Variants in GANC observed in about 807,000 individuals in gnomAD.
GANC encodes the protein neutral alpha-glucosidase C.
GANC carries 117 observed loss-of-function variants against 124.2 expected under a neutral mutation model. That is an observed-to-expected ratio of 0.94 (90% CI 0.81 to 1.10). The LOEUF (loss-of-function observed/expected upper bound fraction) is 1.10. Among genes scored for constraint, GANC ranks in the 50% least tolerant of loss-of-function variants. The pLI, the probability that GANC is intolerant of heterozygous loss-of-function variation, is 0.00. For synonymous variants in GANC, 377 were observed against 376.8 expected (o/e 1.00, Z -0.01); for missense variants, 1,140 against 1,095.0 (o/e 1.04, Z -0.58).
chr15:42,351,072 A>T (rs2052430269), intron 22 of GANC, among the ~76,000 whole-genome samples: 2 of 150,796 alleles, frequency 1.3e-5, no homozygotes, highest in African/African-American at 4.9e-5. Flanking sequence ...GGATTTTGCC[A>T]TGTTGCCCAG....
rs148030209 is a variant in GANC, at chr15:42,318,329, G to A, written c.1058-3456G>A. 6.7e-3 allele frequency among the ~76,000 whole-genome samples: 1,025 copies of A among 152,168 alleles called. 14 individuals carry two copies. The highest frequency in any genetic ancestry group is 0.024 in the African/African-American group (992 of 41,498). On this transcript the variant is annotated intron_variant, in intron 10 of 23. Transcript: ENST00000318010. Reference sequence around the variant, plus strand: ...TTGGAGGTACTCTTTTTGCTTCCTTGCAGGTATGAAACCATCTTTTTTCCT... The same window carrying A: ...TTGGAGGTACTCTTTTTGCTTCCTTACAGGTATGAAACCATCTTTTTTCCT...
chr15:42,288,016 C>T (rs773549151), intron 4 of GANC, among the ~76,000 whole-genome samples, 198 bp downstream of exon 4: 11 of 152,098 alleles, frequency 7.2e-5, no homozygotes, highest in African/African-American at 1.2e-4. Context: ...TATCCATTTT[C>T]CTTATTATCC....
At position 42,352,228 on chromosome 15, in the gene GANC, T is replaced by C; in HGVS notation, c.*89T>C. On this transcript the variant is annotated 3_prime_UTR_variant, in exon 24 of 24. Coordinates refer to ENST00000318010, the MANE Select transcript of GANC (RefSeq NM_198141.3). ...CTTTTTTGAGATTTTTGCTGCAATC[T>C]GTTTGCCTTCCCTGAATCAAAATAA... 6.4e-7 allele frequency: 1 copy of C among 1,565,762 alleles called. No individual in the cohort carries two copies. The highest frequency in any genetic ancestry group is 8.7e-7 in the Non-Finnish European group (1 of 1,152,862).
At chr15:42,298,452 C>G (rs2051912245) in intron 6 of GANC, among the ~76,000 whole-genome samples, 1 of 152,170 alleles carries the variant, frequency 6.6e-6, no homozygotes, top group Non-Finnish European at 1.5e-5. Context: ...TATAAGTCCC[C>G]CATTTATCAT....
chr15:42,313,015 T>C (rs981056847), intron 10 of GANC, among the ~76,000 whole-genome samples: 4 of 151,638 alleles, frequency 2.6e-5, no homozygotes, highest in Admixed American at 2.6e-4. Flanking sequence ...ATTGAGAATC[T>C]AGAAGTAAAC....
chr15:42,273,391 G>A lies in GANC; in HGVS notation c.-1091G>A, dbSNP rs1412621786. ...AGGCAACACCTGAAGCCACGCAGCC[G>A]CCGCCATCTTCACAGCCGTGGAGTG... On this transcript the variant is annotated 5_prime_UTR_variant, in exon 1 of 24. Transcript: ENST00000318010. The A allele has an allele frequency of 1.2e-6, 2 of 1,613,940 alleles. No individual in the cohort carries two copies. Among genetic ancestry groups the A allele is most frequent in the Middle Eastern group, 1.6e-4 (1 of 6,062 alleles).
intron 4 of GANC, among the ~76,000 whole-genome samples, chr15:42,288,292 C>T (rs987199906): frequency 2.6e-5 from 4 of 152,102 alleles, no homozygotes; most frequent in East Asian, 3.9e-4. Context: ...AGAAGTCTAA[C>T]ATGTAATTTT....
chr15:42,348,641 G>A (rs2052389912), intron 21 of GANC, among the ~76,000 whole-genome samples: 1 of 152,154 alleles, frequency 6.6e-6, no homozygotes, highest in Admixed American at 6.5e-5. Context: ...ACCCCCTTGG[G>A]CAAAGCCTGG....
chr15:42,280,845 A>G (rs1182555628), intron 3 of GANC: 3 of 667,720 alleles, frequency 4.5e-6, no homozygotes, highest in African/African-American at 1.8e-5. Context: ...ACACCCACAT[A>G]TGCCATTTCA....
At chr15:42,334,967 A>C (rs2052273321) in intron 15 of GANC, among the ~76,000 whole-genome samples, 3 of 152,198 alleles carry the variant, frequency 2.0e-5, no homozygotes, top group Admixed American at 2.0e-4. Flanking sequence ...AAATTGAATG[A>C]GTAGTAAAAA....
At chr15:42,312,737 G>C (rs1018120861) in intron 10 of GANC, among the ~76,000 whole-genome samples, 2 of 152,120 alleles carry the variant, frequency 1.3e-5, no homozygotes, top group Admixed American at 1.3e-4. Context: ...TCAGGAGTTT[G>C]AGACCAGCCT....
intron 13 of GANC, among the ~76,000 whole-genome samples, chr15:42,328,911 G>A (rs1162463101): frequency 6.6e-6 from 1 of 152,194 alleles, no homozygotes; most frequent in African/African-American, 2.4e-5. Context: ...TTCAGCTATA[G>A]TTGCCCTTAG....
intron 19 of GANC, chr15:42,343,487 G>T: frequency 4.3e-6 from 1 of 229,968 alleles, no homozygotes; most frequent in South Asian, 8.0e-5. Context: ...AAACTCTGGG[G>T]GAAAGCAGAT....
chr15:42,310,820 T>G lies in GANC; in HGVS notation c.1031T>G (p.Val344Gly), dbSNP rs1303895183. The G allele has an allele frequency of 6.2e-7, 1 of 1,614,046 alleles. No individual in the cohort carries two copies. Among genetic ancestry groups the G allele is most frequent in the South Asian group, 1.1e-5 (1 of 91,086 alleles). The change falls in exon 10 of 24, where the codon GTC becomes GGC. Residue 344 changes from valine to glycine, a missense_variant. Transcript: ENST00000318010. ...CTGACAGGACCTACACCTTCTGATG[T>G]CTTCAAACAGTACTCACACCTTACA... is the stretch of plus-strand genomic sequence containing the variant. ...FLLTGPTPSDVFKQYSHLTGT... is the reference protein window; with the variant it reads ...FLLTGPTPSDGFKQYSHLTGT...
At chr15:42,317,527 GA>G in intron 10 of GANC, among the ~76,000 whole-genome samples, 1 of 152,208 alleles carries the variant, frequency 6.6e-6, no homozygotes, top group African/African-American at 2.4e-5. Context: ...TGGACACTTG[GA>G]AATGGTTAAA....
intron 2 of GANC, among the ~76,000 whole-genome samples, chr15:42,276,984 T>C (rs768190826): frequency 6.6e-6 from 1 of 152,176 alleles, no homozygotes; most frequent in South Asian, 2.1e-4. Context: ...GGGGTAGATA[T>C]ACTATTAATA....
intron 10 of GANC, among the ~76,000 whole-genome samples, chr15:42,313,524 C>T (rs981429834): frequency 3.3e-5 from 5 of 152,174 alleles, no homozygotes; most frequent in African/African-American, 7.2e-5. Flanking sequence ...GAACTGTCTA[C>T]CACTGAGCAA....
intron 10 of GANC, among the ~76,000 whole-genome samples, chr15:42,315,798 G>A (rs1357284170): frequency 1.3e-5 from 2 of 152,002 alleles, no homozygotes; most frequent in African/African-American, 4.8e-5. Flanking sequence ...TTGAAGGCCT[G>A]GAGAAAAAGA....
At chr15:42,294,893 A>C (rs925806595) in intron 5 of GANC, among the ~76,000 whole-genome samples, 19 of 150,864 alleles carry the variant, frequency 1.3e-4, no homozygotes, top group Admixed American at 1.2e-3. Flanking sequence ...AATATGTGTC[A>C]TTGTGCATAT....
Sources: allele counts gnomAD v4.1 joint callset (sites outside exome capture counted in the v4.1 genomes callset), GRCh38; gene constraint gnomAD v4.1.1; transcripts MANE v1.5; gene names NCBI Gene and HGNC (gene_info 2026-07-23, HGNC 2026-07-21).